Variants in NCKAP1 observed in about 807,000 individuals in gnomAD.
NCKAP1 encodes the protein NCK associated protein 1, also known as nck-associated protein 1.
Under a neutral mutation model 151.2 loss-of-function variants are expected in NCKAP1, and 21 were observed. The observed-to-expected ratio is 0.14, with a 90% CI of 0.10 to 0.20. The LOEUF is 0.20. Among genes scored for constraint, NCKAP1 ranks in the 10% least tolerant of loss-of-function variants. The probability of loss-of-function intolerance (pLI) is 1.00; values close to 1 mark genes in which losing one functional copy is unlikely to be tolerated. For missense variants in NCKAP1, 933 were observed against 1,352.1 expected (o/e 0.69, Z 4.86); for synonymous variants, 484 against 451.8 (o/e 1.07, Z -0.90).
intron 16 of NCKAP1, among the ~76,000 whole-genome samples, chr2:182,966,786 A>T (rs1038128943): frequency 6.6e-6 from 1 of 152,238 alleles, no homozygotes; most frequent in African/African-American, 2.4e-5. Flanking sequence ...ACAATGCAGG[A>T]GGTAGTCACC....
intron 8 of NCKAP1, among the ~76,000 whole-genome samples, chr2:182,990,430 A>T (rs1215460815): frequency 6.6e-6 from 1 of 152,198 alleles, no homozygotes; most frequent in Non-Finnish European, 1.5e-5. Context: ...CCAATTATTC[A>T]TCCTTAAAGT....
chr2:183,028,957 C>CA (rs10629607), intron 1 of NCKAP1, among the ~76,000 whole-genome samples: 124,108 of 144,354 alleles, frequency 0.86, 53,443 homozygotes, highest in East Asian at 0.99. Flanking sequence ...ACTAAAAATA[C>CA]AAAAAAAAAA....
chr2:182,959,719 T>C (rs1006676147), intron 18 of NCKAP1, among the ~76,000 whole-genome samples: 3 of 152,154 alleles, frequency 2.0e-5, no homozygotes, highest in Non-Finnish European at 4.4e-5. Context: ...TTCAACACAG[T>C]GTTGGAAGTT....
intron 18 of NCKAP1, among the ~76,000 whole-genome samples, chr2:182,959,997 T>C (rs1017912316): frequency 1.3e-5 from 2 of 152,074 alleles, no homozygotes; most frequent in Non-Finnish European, 2.9e-5. Flanking sequence ...TCAAAGAGAA[T>C]AAAATGCCTA....
chr2:183,015,002 G>C (rs550423776), intron 2 of NCKAP1, among the ~76,000 whole-genome samples: 17 of 152,130 alleles, frequency 1.1e-4, no homozygotes, highest in Non-Finnish European at 1.9e-4. Flanking sequence ...GAAGAGTATG[G>C]AAAAATGACT....
chr2:183,023,654 GA>G (rs1279204976), intron 2 of NCKAP1, 151 bp downstream of exon 2: 1 of 536,654 alleles, frequency 1.9e-6, no homozygotes, highest in Non-Finnish European at 3.2e-6. Flanking sequence ...TCGGACATAA[GA>G]ATATTGTCTC....
rs748206084 is a variant in NCKAP1 at position 182,982,913 on chromosome 2, A to G, written c.1116T>C (p.Phe372=). 3 of 1,600,166 alleles carry G rather than the reference A, an allele frequency of 1.9e-6. No homozygotes were observed. The highest frequency in any genetic ancestry group is 1.7e-6 in the Non-Finnish European group (2 of 1,174,736). ...CATCACGGGCAAAGGATAATGCCAT[A>G]AAAACAAAAAGTGCCTGTTTAAAAA... The part of the protein sequence containing the change: ...GLLGPKALFV[F]MALSFARDEI... Residue 372 remains phenylalanine (F), a synonymous_variant, in exon 12 of 31, where the codon TTT becomes TTC. Coordinates refer to ENST00000361354, the MANE Select transcript of NCKAP1 (RefSeq NM_013436.5).
At chr2:182,947,911 TAC>T (rs138648199) in intron 23 of NCKAP1, among the ~76,000 whole-genome samples, 8,144 of 152,248 alleles carry the variant, frequency 0.053, 293 homozygotes, top group Non-Finnish European at 0.08. Context: ...TATGCCTCAG[TAC>T]ACAGAGGCTG....
intron 23 of NCKAP1, among the ~76,000 whole-genome samples, chr2:182,949,231 G>T (rs1697166303): frequency 6.6e-6 from 1 of 152,124 alleles, no homozygotes; most frequent in Non-Finnish European, 1.5e-5. Flanking sequence ...TGCAACATGT[G>T]CTCCTTCATC....
chr2:183,030,463 T>C lies in NCKAP1; in HGVS notation c.109-6547A>G, dbSNP rs183650468. ...AGGGAAGAACAAAATGATTTTCTAGTACAATGAATTAACTGAAAAAATATG... is the reference window on the plus strand; with the variant it reads ...AGGGAAGAACAAAATGATTTTCTAGCACAATGAATTAACTGAAAAAATATG... On this transcript the variant is annotated intron_variant, in intron 1 of 30. Transcript: ENST00000361354. 9.8e-4 allele frequency among the ~76,000 whole-genome samples: 150 copies of C among 152,326 alleles called. 2 individuals are homozygous for C. Among genetic ancestry groups the C allele is most frequent in the Middle Eastern group, 3.4e-3 (1 of 294 alleles).
At chr2:182,929,163 A>AT (rs969695558) in intron 27 of NCKAP1, among the ~76,000 whole-genome samples, 6 of 151,680 alleles carry the variant, frequency 4.0e-5, no homozygotes, top group African/African-American at 1.2e-4. Context: ...GTAAGATTTT[A>AT]TTTTTTTTAA....
At chr2:182,982,026 CTCT>C (rs1313655338) in intron 12 of NCKAP1, among the ~76,000 whole-genome samples, 5 of 151,728 alleles carry the variant, frequency 3.3e-5, no homozygotes, top group Non-Finnish European at 5.9e-5. Flanking sequence ...TTTCTGTATG[CTCT>C]TATTTCTCTG....
At chr2:182,930,350 T>C (rs1484913321) in intron 27 of NCKAP1, among the ~76,000 whole-genome samples, 1 of 151,992 alleles carries the variant, frequency 6.6e-6, no homozygotes, top group African/African-American at 2.4e-5. Flanking sequence ...TTCTACTTCA[T>C]TGGTCCTTTC....
At chr2:182,999,314 CA>C (rs1400756191) in intron 6 of NCKAP1, among the ~76,000 whole-genome samples, 1 of 152,078 alleles carries the variant, frequency 6.6e-6, no homozygotes, top group Non-Finnish European at 1.5e-5. Flanking sequence ...CAAACCACCC[CA>C]CTAAAATGTG....
At position 182,964,695 on chromosome 2, in the gene NCKAP1, T is replaced by C. The variant is rs764584161; in HGVS notation, c.1742A>G (p.His581Arg). Reference sequence around the variant, plus strand: ...AATTACCTCTTCTGGACATAGTTCATGCGTGCAACTCATAAAATGAGTGCA... The same window carrying C: ...AATTACCTCTTCTGGACATAGTTCACGCGTGCAACTCATAAAATGAGTGCA... The part of the protein sequence containing the change: ...LLCTHFMSCT[H>R]ELCPEERHHI... The change falls in exon 17 of 31, where the codon CAT becomes CGT. Residue 581 changes from histidine to arginine, a missense_variant. Physicochemically the swap from His to Arg is conservative, Grantham distance 29. This residue lies in a region of NCKAP1 where 607 missense variants were observed against 795.0 expected (regional missense o/e 0.76). Coordinates refer to ENST00000361354, the MANE Select transcript of NCKAP1 (RefSeq NM_013436.5). 5 of 1,602,596 alleles carry C rather than the reference T, an allele frequency of 3.1e-6. No homozygotes were observed. The South Asian group carries it at 4.5e-5, about 14-fold the overall frequency.
intron 13 of NCKAP1, among the ~76,000 whole-genome samples, chr2:182,980,809 A>G (rs1697921650): frequency 6.6e-6 from 1 of 151,050 alleles, no homozygotes; most frequent in Non-Finnish European, 1.5e-5. Context: ...CCATGTTCAG[A>G]CTCTCATCAC....
Position 182,915,615 on chromosome 2 carries a change from A to G in NCKAP1, c.*10087T>C, listed in dbSNP as rs1244971727. On this transcript the variant is annotated 3_prime_UTR_variant, in exon 31 of 31. Transcript: ENST00000361354. ...CTAGATGAGGAGTTACACTGACAGG[A>G]TAAAATTTCAAGGCTTGCTAATCCT... 1 of 152,210 alleles carries G rather than the reference A, an allele frequency of 6.6e-6. No homozygotes were observed. Among genetic ancestry groups the G allele is most frequent in the Non-Finnish European group, 1.5e-5 (1 of 68,046 alleles). The allele number at this position is 152,210 out of a possible 1,614,324, so 9.4% of individuals were successfully genotyped here.
intron 24 of NCKAP1, among the ~76,000 whole-genome samples, chr2:182,938,710 A>C (rs1001000879): frequency 1.5e-4 from 23 of 152,214 alleles, no homozygotes; most frequent in African/African-American, 5.5e-4. Context: ...AGGGATCAGG[A>C]AAACTGCTTT....
intron 10 of NCKAP1, among the ~76,000 whole-genome samples, chr2:182,985,152 A>G (rs1215311782): frequency 6.6e-6 from 1 of 152,236 alleles, no homozygotes; most frequent in African/African-American, 2.4e-5. Context: ...TAGCACAGAT[A>G]CGATGAGTAA....
Sources: gnomAD v4.1 joint callset for allele counts (sites outside exome capture counted in the v4.1 genomes callset) on GRCh38, gnomAD v4.1.1 for gene constraint, gnomAD v4.1.1 regional missense constraint, MANE v1.5 for transcripts, NCBI Gene and HGNC (gene_info 2026-07-23, HGNC 2026-07-21) for gene names.